ARHGAP26: variants seen among roughly 807,000 people sequenced by gnomAD.
ARHGAP26 encodes the protein Rho GTPase activating protein 26.
A neutral mutation model predicts 104.8 loss-of-function variants in ARHGAP26; 38 were observed. The ratio of observed to expected loss-of-function variants is 0.36; its 90% CI spans 0.28 to 0.48. The LOEUF is 0.48. ARHGAP26 is among the 20% of genes least tolerant of loss of function. ARHGAP26 has a pLI of 0.99. For missense variants in ARHGAP26, 704 were observed against 947.9 expected (o/e 0.74, Z 3.38); for synonymous variants, 341 against 340.0 (o/e 1.00, Z -0.03).
chr5:142,938,306 T>C (rs548689587), intron 11 of ARHGAP26, among the ~76,000 whole-genome samples: 1 of 152,332 alleles, frequency 6.6e-6, no homozygotes, highest in African/African-American at 2.4e-5. Context: ...ATGATTCTGC[T>C]GGATTTTTTC....
At chr5:142,938,217 C>T (rs1450595108) in intron 11 of ARHGAP26, among the ~76,000 whole-genome samples, 1 of 152,064 alleles carries the variant, frequency 6.6e-6, no homozygotes, top group East Asian at 1.9e-4. Context: ...CAGGACACTA[C>T]TATTTTTATA....
At chr5:143,086,316 A>C (rs77336466) in intron 17 of ARHGAP26, among the ~76,000 whole-genome samples, 1 of 151,652 alleles carries the variant, frequency 6.6e-6, no homozygotes, top group African/African-American at 2.4e-5. Flanking sequence ...TAGAATTTTG[A>C]CTGTGGGGGA....
At position 142,828,050 on chromosome 5, in the gene ARHGAP26, C is replaced by T. The variant is rs760263190; in HGVS notation, c.155-45350C>T. Among the ~76,000 whole-genome samples, 92 of 152,276 alleles carry T rather than the reference C, an allele frequency of 6.0e-4. 1 individual carries two copies. Among genetic ancestry groups the T allele is most frequent in the Middle Eastern group, 3.4e-3 (1 of 294 alleles). On this transcript the variant is annotated intron_variant, in intron 1 of 22. Coordinates refer to ENST00000645722, the MANE Select transcript of ARHGAP26 (RefSeq NM_001135608.3). ...GGTTCATTCTGGGAATAGTTACGCA[C>T]GCTATTCAGAGGGAATGGATGCTTT...
chr5:142,940,308 T>A (rs1453687778), intron 11 of ARHGAP26, among the ~76,000 whole-genome samples: 1 of 152,156 alleles, frequency 6.6e-6, no homozygotes, highest in Non-Finnish European at 1.5e-5. Flanking sequence ...TGAGCTTTCT[T>A]TTTATTTATT....
At chr5:143,108,320 G>A (rs367589982) in intron 17 of ARHGAP26, among the ~76,000 whole-genome samples, 43 of 152,332 alleles carry the variant, frequency 2.8e-4, no homozygotes, top group African/African-American at 1.0e-3. Context: ...TTTCATGGAT[G>A]TTAGAGCTCT....
chr5:142,952,062 CT>C (rs1768469715), intron 11 of ARHGAP26, among the ~76,000 whole-genome samples: 1 of 152,326 alleles, frequency 6.6e-6, no homozygotes, highest in Admixed American at 6.5e-5. Context: ...GTGACCACTT[CT>C]CTTTCGCTGC....
chr5:142,802,005 A>G (rs1008127455), intron 1 of ARHGAP26, among the ~76,000 whole-genome samples: 4 of 152,174 alleles, frequency 2.6e-5, no homozygotes, highest in African/African-American at 9.7e-5. Flanking sequence ...AAAGAAGAAC[A>G]TCAGAGGGGA....
intron 1 of ARHGAP26, among the ~76,000 whole-genome samples, chr5:142,835,790 A>G (rs534405835): frequency 2.6e-5 from 4 of 152,358 alleles, no homozygotes; most frequent in African/African-American, 9.6e-5. Context: ...GTGGTTAGCC[A>G]CCAACACCAA....
chr5:143,129,097 G>A (rs1797034449), intron 18 of ARHGAP26, among the ~76,000 whole-genome samples: 1 of 152,200 alleles, frequency 6.6e-6, no homozygotes, highest in Non-Finnish European at 1.5e-5. Flanking sequence ...ATGGGCCAGA[G>A]GGGGAATCAG....
chr5:143,134,345 T>C (rs1797692641), intron 19 of ARHGAP26, among the ~76,000 whole-genome samples: 1 of 152,216 alleles, frequency 6.6e-6, no homozygotes, highest in Non-Finnish European at 1.5e-5. Flanking sequence ...AGATCACCTG[T>C]GGACAAACAG....
At chr5:142,861,786 C>G (rs542687739) in intron 1 of ARHGAP26, among the ~76,000 whole-genome samples, 64 of 152,322 alleles carry the variant, frequency 4.2e-4, no homozygotes, top group Middle Eastern at 6.8e-3. Context: ...CCTTTAGTGC[C>G]TTTTCACACA....
In ARHGAP26 at chr5:143,096,701, C is replaced by A. The variant is rs188619178; in HGVS notation, c.1539-24287C>A. Among the ~76,000 whole-genome samples the A allele has an allele frequency of 4.9e-3, 714 of 145,726 alleles. 19 individuals carry two copies. Among genetic ancestry groups the A allele is most frequent in the Admixed American group, 0.04 (593 of 14,744 alleles). Reference sequence around the variant, plus strand: ...AAGCTAGGCTTTTTTTTTTTTTAATCTGTGAGTGTGTAGCAGTGAAGAATA... The same window carrying A: ...AAGCTAGGCTTTTTTTTTTTTTAATATGTGAGTGTGTAGCAGTGAAGAATA... On this transcript the variant is annotated intron_variant, in intron 17 of 22. Transcript: ENST00000645722.
chr5:143,125,427 G>T (rs1796616102), intron 18 of ARHGAP26, among the ~76,000 whole-genome samples: 1 of 152,192 alleles, frequency 6.6e-6, no homozygotes, highest in East Asian at 1.9e-4. Flanking sequence ...ATAGTGATGT[G>T]TTTCACACAC....
intron 1 of ARHGAP26, among the ~76,000 whole-genome samples, chr5:142,801,872 C>T (rs1209240839): frequency 1.3e-5 from 2 of 152,144 alleles, no homozygotes; most frequent in South Asian, 4.1e-4. Flanking sequence ...GCTGTTGATA[C>T]TTATGTCTAA....
chr5:143,001,577 A>G (rs960277206), intron 11 of ARHGAP26, among the ~76,000 whole-genome samples: 17 of 152,362 alleles, frequency 1.1e-4, no homozygotes, highest in African/African-American at 3.1e-4. Context: ...GAGAATTTTT[A>G]TAAGGGTATG....
chr5:143,180,692 A>G (rs1357362855), intron 20 of ARHGAP26, among the ~76,000 whole-genome samples: 2 of 152,138 alleles, frequency 1.3e-5, no homozygotes, highest in Non-Finnish European at 1.5e-5. Flanking sequence ...TAAAACCATC[A>G]GATCTCATGA....
At chr5:142,885,882 A>G (rs1271349115) in intron 5 of ARHGAP26, among the ~76,000 whole-genome samples, 4 of 152,028 alleles carry the variant, frequency 2.6e-5, no homozygotes, top group African/African-American at 9.7e-5. Flanking sequence ...TTTTTATTTT[A>G]AAGCAGTGCT....
intron 20 of ARHGAP26, among the ~76,000 whole-genome samples, chr5:143,194,584 A>T (rs1250241246): frequency 6.6e-6 from 1 of 152,168 alleles, no homozygotes; most frequent in African/African-American, 2.4e-5. Context: ...GAAAAAAAAA[A>T]AAATTTTGTG....
rs150260775 is a variant in ARHGAP26 at position 142,976,994 on chromosome 5, C to G, written c.1108-37086C>G. On this transcript the variant is annotated intron_variant, in intron 11 of 22. Coordinates refer to ENST00000645722, the MANE Select transcript of ARHGAP26 (RefSeq NM_001135608.3). ...TCCCAGGGCAGGCTCTTTCATTGGCCTGGGCCAGGTTCTGTATTCATCCCT... is the reference window on the plus strand; with the variant it reads ...TCCCAGGGCAGGCTCTTTCATTGGCGTGGGCCAGGTTCTGTATTCATCCCT... Among the ~76,000 whole-genome samples, 3 of 152,320 alleles carry G rather than the reference C, an allele frequency of 2.0e-5. No individual in the cohort carries two copies. In the East Asian group the frequency reaches 5.8e-4, roughly 29 times the overall value.
Sources: gnomAD v4.1 joint callset for allele counts (sites outside exome capture counted in the v4.1 genomes callset) on GRCh38, gnomAD v4.1.1 for gene constraint, MANE v1.5 for transcripts, NCBI Gene and HGNC (gene_info 2026-07-23, HGNC 2026-07-21) for gene names.